FRMD3: variants seen among roughly 807,000 people sequenced by gnomAD.
The protein encoded by FRMD3 is FERM domain-containing protein 3.
FRMD3 carries 33 observed loss-of-function variants against 70.2 expected under a neutral mutation model. The observed-to-expected ratio is 0.47, with a 90% CI of 0.36 to 0.63. FRMD3 has a LOEUF of 0.63. FRMD3 is among the 20% of genes least tolerant of loss of function. FRMD3 has a pLI of 0.00. For missense variants in FRMD3, 632 were observed against 711.4 expected (o/e 0.89, Z 1.27); for synonymous variants, 279 against 255.9 (o/e 1.09, Z -0.86).
chr9:83,567,156 C>T, the FRMD3 span, among the ~76,000 whole-genome samples: 3 of 152,342 alleles, frequency 2.0e-5, no homozygotes, highest in Admixed American at 2.0e-4. Context: ...TCTGTGCACC[C>T]ACAGGCTCAA....
intron 1 of FRMD3, among the ~76,000 whole-genome samples, chr9:83,490,150 A>G (rs1025099495): frequency 6.6e-6 from 1 of 152,202 alleles, no homozygotes; most frequent in Non-Finnish European, 1.5e-5. Context: ...TCTCAGAAAC[A>G]GAACTACAAA....
the FRMD3 span, among the ~76,000 whole-genome samples, chr9:83,570,429 G>A: frequency 6.6e-6 from 1 of 152,214 alleles, no homozygotes; most frequent in African/African-American, 2.4e-5. Context: ...AATTTCATGT[G>A]ATTTAATCTG....
At chr9:83,493,124 C>T (rs1188504595) in intron 1 of FRMD3, among the ~76,000 whole-genome samples, 1 of 152,154 alleles carries the variant, frequency 6.6e-6, no homozygotes, top group Non-Finnish European at 1.5e-5. Flanking sequence ...TGACCTCACA[C>T]ACAAAACCCA....
chr9:83,579,058 C>T, the FRMD3 span, among the ~76,000 whole-genome samples: 2 of 151,258 alleles, frequency 1.3e-5, no homozygotes, highest in Admixed American at 1.3e-4. Flanking sequence ...ATTACATTTA[C>T]AATAGTAACA....
chr9:83,585,738 A>T, the FRMD3 span, among the ~76,000 whole-genome samples: 4 of 152,234 alleles, frequency 2.6e-5, no homozygotes, highest in African/African-American at 9.6e-5. Context: ...TTAGAAATAA[A>T]CTTCCAACTT....
At position 83,313,719 on chromosome 9, in the gene FRMD3, T is replaced by G; in HGVS notation, c.625A>C (p.Asn209His). The change falls in exon 7 of 14, where the codon AAC becomes CAC. Residue 209 changes from asparagine to histidine, a missense_variant. Physicochemically the swap from Asn to His is moderately conservative, Grantham distance 68. Around this residue, in one of 3 missense-constraint regions of FRMD3, gnomAD observed 6 missense variants for 21.6 expected, o/e 0.28. Transcript: ENST00000304195. The part of the protein sequence containing the change: ...RGQSPPVAEF[N>H]LLLKAHTLET... ...AAAGTGTGAGCTTTCAGGAGCAAGTTAAATTCAGCAACTGGTGGGCTCTGC... is the reference window on the plus strand; with the variant it reads ...AAAGTGTGAGCTTTCAGGAGCAAGTGAAATTCAGCAACTGGTGGGCTCTGC... 1 of 1,614,182 alleles carries G rather than the reference T, an allele frequency of 6.2e-7. No individual in the cohort carries two copies.
At chr9:83,400,590 GACAA>G (rs1271586000) in intron 1 of FRMD3, among the ~76,000 whole-genome samples, 1 of 152,156 alleles carries the variant, frequency 6.6e-6, no homozygotes, top group Non-Finnish European at 1.5e-5. Flanking sequence ...CAGTATTGAT[GACAA>G]ACAATGTCAG....
At chr9:83,529,045 C>T (rs1245864287) in intron 1 of FRMD3, among the ~76,000 whole-genome samples, 2 of 152,092 alleles carry the variant, frequency 1.3e-5, no homozygotes, top group Admixed American at 1.3e-4. Flanking sequence ...CATTGTTTTG[C>T]AAATATCTTT....
intron 6 of FRMD3, among the ~76,000 whole-genome samples, chr9:83,316,069 C>G (rs1048268814): frequency 1.3e-5 from 2 of 151,644 alleles, no homozygotes; most frequent in East Asian, 3.9e-4. Flanking sequence ...TATTCCTTTT[C>G]TAATGCTTTT....
At chr9:83,546,870 G>A in the FRMD3 span, among the ~76,000 whole-genome samples, 216 of 111,236 alleles carry the variant, frequency 1.9e-3, 3 homozygotes, top group African/African-American at 6.8e-3. Flanking sequence ...CCAGCCTAGC[G>A]ACAGAGTGAG....
Position 83,248,436 on chromosome 9 carries a change from C to G in FRMD3, c.1276G>C (p.Asp426His). The change falls in exon 14 of 14, where the codon GAT becomes CAT. Residue 426 changes from aspartate (D) to histidine (H), a missense_variant. This residue lies in a region of FRMD3 where 418 missense variants were observed against 442.1 expected (regional missense o/e 0.95). Coordinates refer to ENST00000304195, the MANE Select transcript of FRMD3 (RefSeq NM_174938.6). ...SPVKAAREYE[D>H]PPSEEEDKIK... Reference sequence around the variant, plus strand: ...TTATCTTCCTCTTCACTAGGGGGATCTTCATACTCCCGGGCTGCCTTCACT... The same window carrying G: ...TTATCTTCCTCTTCACTAGGGGGATGTTCATACTCCCGGGCTGCCTTCACT... The G allele has an allele frequency of 6.2e-7, 1 of 1,614,106 alleles. No homozygotes were observed.
chr9:83,295,270 C>T (rs1834613518), intron 12 of FRMD3, among the ~76,000 whole-genome samples: 1 of 152,138 alleles, frequency 6.6e-6, no homozygotes, highest in South Asian at 2.1e-4. Flanking sequence ...AGGAAACTGA[C>T]ATTATGTAAC....
chr9:83,360,565 A>G (rs1824548721), intron 3 of FRMD3, among the ~76,000 whole-genome samples: 1 of 152,110 alleles, frequency 6.6e-6, no homozygotes. Flanking sequence ...TGAAGGAAGA[A>G]GAAAGCCCCT....
intron 1 of FRMD3, among the ~76,000 whole-genome samples, chr9:83,421,219 C>T (rs955070426): frequency 4.6e-5 from 7 of 152,090 alleles, no homozygotes; most frequent in African/African-American, 2.4e-5. Context: ...GGATTACAGG[C>T]GTGAGCCACC....
At chr9:83,412,913 C>T (rs564779895) in intron 1 of FRMD3, among the ~76,000 whole-genome samples, 4 of 151,666 alleles carry the variant, frequency 2.6e-5, no homozygotes, top group Admixed American at 2.0e-4. Flanking sequence ...GAGAATCGCT[C>T]GAACCCGGGA....
chr9:83,446,010 C>T (rs948248610), intron 1 of FRMD3, among the ~76,000 whole-genome samples: 2 of 152,166 alleles, frequency 1.3e-5, no homozygotes, highest in African/African-American at 2.4e-5. Flanking sequence ...TGTTATTCTC[C>T]TTACTCCATA....
At position 83,393,555 on chromosome 9, in the gene FRMD3, A is replaced by C. The variant is rs376329827; in HGVS notation, c.148-3847T>G. On this transcript the variant is annotated intron_variant, in intron 1 of 13. Coordinates refer to ENST00000304195, the MANE Select transcript of FRMD3 (RefSeq NM_174938.6). ...AGGAAATAATTATACAATTTACCAT[A>C]ATGTAGACGCGGTGGGAGCCCTGAG... 7.9e-5 allele frequency among the ~76,000 whole-genome samples: 12 copies of C among 152,140 alleles called. No individual in the cohort carries two copies. In the East Asian group the frequency reaches 1.5e-3, roughly 20 times the overall value.
chr9:83,244,144 A>AG (rs1554674739), downstream of FRMD3, among the ~76,000 whole-genome samples: 1 of 150,316 alleles, frequency 6.7e-6, no homozygotes. Flanking sequence ...CAAAAAAAAA[A>AG]AAGTGGAATC....
intron 1 of FRMD3, among the ~76,000 whole-genome samples, chr9:83,530,285 A>G (rs1270766164): frequency 1.3e-5 from 2 of 152,240 alleles, no homozygotes; most frequent in African/African-American, 2.4e-5. Flanking sequence ...TATGCAATGG[A>G]CTGGACTACT....
Sources: allele counts gnomAD v4.1 joint callset (sites outside exome capture counted in the v4.1 genomes callset), GRCh38; gene constraint gnomAD v4.1.1; regional missense constraint gnomAD v4.1.1; transcripts MANE v1.5; gene names NCBI Gene and HGNC (gene_info 2026-07-23, HGNC 2026-07-21).